The following PYHIN1 variants were observed in gnomAD, a reference collection of about 807,000 sequenced individuals.
PYHIN1 encodes pyrin and HIN domain-containing protein 1.
PYHIN1 carries 32 observed loss-of-function variants against 43.7 expected under a neutral mutation model. The ratio of observed to expected loss-of-function variants is 0.73; its 90% CI spans 0.55 to 0.98. PYHIN1 has a LOEUF of 0.98. Among genes scored for constraint, PYHIN1 ranks in the 50% least tolerant of loss-of-function variants. The probability of loss-of-function intolerance (pLI) is 0.00; values close to 1 mark genes in which losing one functional copy is unlikely to be tolerated. For synonymous variants in PYHIN1, 205 were observed against 203.1 expected (o/e 1.01, Z -0.08); for missense variants, 588 against 589.5 (o/e 1.00, Z 0.03).
chr1:158,938,372 T>C lies in PYHIN1; in HGVS notation c.266-25T>C, dbSNP rs376999934. 8.7e-6 allele frequency: 14 copies of C among 1,613,596 alleles called. No homozygotes were observed. The African/African-American group carries it at 1.6e-4, about 18-fold the overall frequency. On this transcript the variant is annotated intron_variant, in intron 2 of 8. Coordinates refer to ENST00000368140, the MANE Select transcript of PYHIN1 (RefSeq NM_152501.5). Reference sequence around the variant, plus strand: ...TCCCCGATCATCTGCTCTGGGTTTATACATCTTCCTTTTTTCTGCATTAGT... The same window carrying C: ...TCCCCGATCATCTGCTCTGGGTTTACACATCTTCCTTTTTTCTGCATTAGT...
At chr1:158,985,516 G>A in the PYHIN1 span, among the ~76,000 whole-genome samples, 1 of 152,142 alleles carries the variant, frequency 6.6e-6, no homozygotes, top group Non-Finnish European at 1.5e-5. Flanking sequence ...CTGCTGAAAG[G>A]TCCACTGTTA....
chr1:158,947,950 T>C (rs930571077), intron 7 of PYHIN1, among the ~76,000 whole-genome samples: 5 of 152,232 alleles, frequency 3.3e-5, no homozygotes, highest in Non-Finnish European at 7.3e-5. Context: ...CATAGCCCTA[T>C]CTTGAGACTT....
At chr1:158,959,014 C>G (rs774460382) in intron 7 of PYHIN1, among the ~76,000 whole-genome samples, 2 of 151,108 alleles carry the variant, frequency 1.3e-5, no homozygotes, top group East Asian at 3.9e-4. Context: ...CTGAACAATC[C>G]CCACCCCCAC....
At chr1:158,934,169 T>A (rs1250841026) in intron 1 of PYHIN1, among the ~76,000 whole-genome samples, 1 of 152,190 alleles carries the variant, frequency 6.6e-6, no homozygotes, top group Non-Finnish European at 1.5e-5. Context: ...CACATTTTTC[T>A]AGAAACCCCA....
At chr1:158,944,854 C>CA (rs754049081) in intron 6 of PYHIN1, 21 bp from the exon 7 acceptor site, 14 of 1,506,054 alleles carry the variant, frequency 9.3e-6, no homozygotes, top group African/African-American at 4.3e-5. Context: ...AAACATTAAA[C>CA]AAAAAAATGA....
Position 158,938,341 on chromosome 1 carries a change from C to T in PYHIN1, c.266-56C>T, listed in dbSNP as rs1648688225. On this transcript the variant is annotated intron_variant, in intron 2 of 8. Coordinates refer to ENST00000368140, the MANE Select transcript of PYHIN1 (RefSeq NM_152501.5). Reference sequence around the variant, plus strand: ...AGAGCAAATAGTATTGAAACTGCTTCGGGTGTCCCCGATCATCTGCTCTGG... The same window carrying T: ...AGAGCAAATAGTATTGAAACTGCTTTGGGTGTCCCCGATCATCTGCTCTGG... 3.8e-6 allele frequency: 6 copies of T among 1,586,116 alleles called. No individual in the cohort carries two copies. In the Admixed American group the frequency reaches 5.1e-5, roughly 13 times the overall value.
chr1:158,937,088 G>A lies in PYHIN1; in HGVS notation c.178G>A (p.Ala60Thr). The A allele has an allele frequency of 6.2e-7, 1 of 1,614,122 alleles. No individual in the cohort carries two copies. The highest frequency in any genetic ancestry group is 8.5e-7 in the Non-Finnish European group (1 of 1,180,008). The change falls in exon 2 of 9, where the codon GCC becomes ACC. Residue 60 changes from alanine (A) to threonine (T), a missense_variant. Transcript: ENST00000368140. ...DLMEEKFPGD[A>T]GLGKLIEFFK... The stretch of plus-strand genomic sequence containing the variant: ...GATGGAGGAAAAGTTCCCAGGTGAT[G>A]CCGGTTTGGGCAAACTAATAGAATT...
chr1:158,943,909 C>T lies in PYHIN1; in HGVS notation c.1122C>T (p.Leu374=). 1 of 1,608,530 alleles carries T rather than the reference C, an allele frequency of 6.2e-7. No individual in the cohort carries two copies. Among genetic ancestry groups the T allele is most frequent in the Non-Finnish European group, 8.5e-7 (1 of 1,176,116 alleles). The change falls in exon 6 of 9, where the codon CTC becomes CTT. Residue 374 remains leucine (L), a synonymous_variant. Coordinates refer to ENST00000368140, the MANE Select transcript of PYHIN1 (RefSeq NM_152501.5). ...GTGAAAAAGGAGATAAGCTTCGACT[C>T]TTCTGCTTTCGACTGAGAAAGAGGG... is the stretch of plus-strand genomic sequence containing the variant. ...IPCEKGDKLR[L]FCFRLRKREN... is the part of the protein sequence containing the mutation.
At position 158,944,917 on chromosome 1, in the gene PYHIN1, A is replaced by T; in HGVS notation, c.1234A>T (p.Met412Leu). Residue 412 changes from methionine to leucine, a missense_variant, in exon 7 of 9, where the codon ATG becomes TTG. By Grantham distance (15) the Met-to-Leu change is conservative. Transcript: ENST00000368140. The stretch of plus-strand genomic sequence containing the variant: ...CCAGAGAAGCCATGACTCCAGGAGC[A>T]TGGCACTACCCCAGGAACAGAGTCA... ...TNQRSHDSRS[M>L]ALPQEQSQHP... is the part of the protein sequence containing the mutation. 4 of 1,613,040 alleles carry T rather than the reference A, an allele frequency of 2.5e-6. No individual in the cohort carries two copies. Among genetic ancestry groups the T allele is most frequent in the Non-Finnish European group, 3.4e-6 (4 of 1,179,414 alleles).
chr1:158,976,377 A>C (rs565836726), intron 8 of PYHIN1, among the ~76,000 whole-genome samples: 1 of 151,996 alleles, frequency 6.6e-6, no homozygotes, highest in African/African-American at 2.4e-5. Context: ...TTTCTGCCCA[A>C]TGAGAAGTTT....
intron 8 of PYHIN1, among the ~76,000 whole-genome samples, chr1:158,974,040 C>G (rs773960049): frequency 1.3e-5 from 2 of 151,964 alleles, no homozygotes; most frequent in Non-Finnish European, 2.9e-5. Context: ...GAGGAGGTAT[C>G]CAGACAAGGA....
At chr1:158,983,020 T>C in the PYHIN1 span, among the ~76,000 whole-genome samples, 6,734 of 152,276 alleles carry the variant, frequency 0.044, 385 homozygotes, top group East Asian at 0.26. Context: ...AAGTTGTTTA[T>C]AATTTCTGGG....
At chr1:158,990,152 G>A in the PYHIN1 span, among the ~76,000 whole-genome samples, 1 of 149,452 alleles carries the variant, frequency 6.7e-6, no homozygotes, top group South Asian at 2.1e-4. Context: ...CGCTGAGACA[G>A]AAGAGGATAA....
rs58060370 is a variant in PYHIN1, at chr1:158,958,771, G to GAA, written c.1359+13736_1359+13737dup. Among the ~76,000 whole-genome samples, 1,109 of 135,730 alleles carry GAA rather than the reference G, an allele frequency of 8.2e-3. 21 individuals are homozygous for GAA. Among genetic ancestry groups the GAA allele is most frequent in the African/African-American group, 0.029 (1,030 of 35,406 alleles). The allele number at this position is 135,730 out of a possible 152,430, so 89.0% of individuals were successfully genotyped here. ...TAAAGTATAATAAAAAAAAAGAAAA[G>GAA]AAAAAAAATAAATTAAAAAAAAAAA... On this transcript the variant is annotated intron_variant, in intron 7 of 8. Coordinates refer to ENST00000368140, the MANE Select transcript of PYHIN1 (RefSeq NM_152501.5).
Position 158,941,975 on chromosome 1 carries a change from A to G in PYHIN1, c.580-2A>G, listed in dbSNP as rs571813155. On this transcript the variant is annotated splice_acceptor_variant, in intron 4 of 8. Transcript: ENST00000368140. LOFTEE classifies it high-confidence loss of function. ...TTTGTATTCCTTTTGTATCATGCGC[A>G]GAGCCTAAAACCATTGGCCAACCGT... 1.3e-6 allele frequency: 2 copies of G among 1,586,962 alleles called. No individual in the cohort carries two copies. Among genetic ancestry groups the G allele is most frequent in the Admixed American group, 3.7e-5 (2 of 54,720 alleles).
intron 5 of PYHIN1, among the ~76,000 whole-genome samples, chr1:158,943,555 T>C (rs1450744815): frequency 6.6e-6 from 1 of 152,142 alleles, no homozygotes; most frequent in Non-Finnish European, 1.5e-5. Context: ...AATGGGAAGA[T>C]AACTCATTGC....
At chr1:158,979,235 A>G (rs1375467026), downstream of PYHIN1, among the ~76,000 whole-genome samples, 1 of 152,194 alleles carries the variant, frequency 6.6e-6, no homozygotes, top group Non-Finnish European at 1.5e-5. Context: ...AGTGTTGTGC[A>G]GCAGATCTAC....
chr1:158,960,598 G>A (rs146956576), intron 7 of PYHIN1, among the ~76,000 whole-genome samples: 1 of 152,198 alleles, frequency 6.6e-6, no homozygotes, highest in Non-Finnish European at 1.5e-5. Flanking sequence ...GAGCAGGAAA[G>A]TCTTGTGCCA....
chr1:158,954,669 G>A (rs1332207939), intron 7 of PYHIN1, among the ~76,000 whole-genome samples: 2 of 147,274 alleles, frequency 1.4e-5, no homozygotes, highest in African/African-American at 2.5e-5. Context: ...AAAGACCATC[G>A]AGACTAGGAA....
Sources: allele counts gnomAD v4.1 joint callset (sites outside exome capture counted in the v4.1 genomes callset), GRCh38; gene constraint gnomAD v4.1.1; transcripts MANE v1.5; gene names NCBI Gene and HGNC (gene_info 2026-07-23, HGNC 2026-07-21).